CSMD3: variants seen among roughly 807,000 people sequenced by gnomAD.
CSMD3 encodes CUB and sushi domain-containing protein 3.
CSMD3 carries 177 observed loss-of-function variants against 435.2 expected under a neutral mutation model. The ratio of observed to expected loss-of-function variants is 0.41; its 90% confidence interval spans 0.36 to 0.46. The LOEUF (loss-of-function observed/expected upper bound fraction) is 0.46. CSMD3 is among the 20% of genes least tolerant of loss of function. The probability of loss-of-function intolerance (pLI) is 0.34; values close to 1 mark genes in which losing one functional copy is unlikely to be tolerated. For missense variants in CSMD3, 4,265 were observed against 4,504.6 expected (o/e 0.95, Z 1.52); for synonymous variants, 1,656 against 1,520.5 (o/e 1.09, Z -2.07).
intron 5 of CSMD3, among the ~76,000 whole-genome samples, chr8:113,024,433 C>T (rs1055350007): frequency 1.3e-5 from 2 of 150,498 alleles, no homozygotes; most frequent in Non-Finnish European, 3.0e-5. Context: ...TCATATAGTT[C>T]TTCAACCTAT....
At chr8:113,415,965 A>C (rs1198081816) in intron 1 of CSMD3, among the ~76,000 whole-genome samples, 1 of 152,100 alleles carries the variant, frequency 6.6e-6, no homozygotes, top group Non-Finnish European at 1.5e-5. Flanking sequence ...CATGTTTGCC[A>C]GTATATACAT....
At position 112,556,863 on chromosome 8, in the gene CSMD3, A is replaced by G. The variant is rs755250131; in HGVS notation, c.4134T>C (p.Ile1378=). ...DQGHFAGSTI[I]YGCNPGYTLH... is the part of the protein sequence containing the mutation. Reference sequence around the variant, plus strand: ...GAGTGTAGCCTGGATTGCATCCATAAATGATGGTGCTACCAGCAAAGTGGC... The same window carrying G: ...GAGTGTAGCCTGGATTGCATCCATAGATGATGGTGCTACCAGCAAAGTGGC... The change falls in exon 25 of 71, where the codon ATT becomes ATC. Residue 1378 remains isoleucine, a synonymous_variant. Transcript: ENST00000297405. The G allele has an allele frequency of 6.2e-7, 1 of 1,611,664 alleles. No homozygotes were observed. Among genetic ancestry groups the G allele is most frequent in the Non-Finnish European group, 8.5e-7 (1 of 1,178,276 alleles).
chr8:112,493,568 T>C (rs1820916319), intron 30 of CSMD3, among the ~76,000 whole-genome samples: 2 of 152,144 alleles, frequency 1.3e-5, no homozygotes, highest in Admixed American at 1.3e-4. Context: ...CAAACCACAG[T>C]ATTTTTTGAC....
At chr8:112,271,572 T>C (rs1817538376) in intron 59 of CSMD3, among the ~76,000 whole-genome samples, 1 of 152,072 alleles carries the variant, frequency 6.6e-6, no homozygotes, top group South Asian at 2.1e-4. Context: ...TGAAATAGAC[T>C]AGGGTTTAAA....
chr8:112,863,741 T>C (rs1250672218), intron 10 of CSMD3, among the ~76,000 whole-genome samples: 10 of 151,990 alleles, frequency 6.6e-5, no homozygotes, highest in Non-Finnish European at 1.2e-4. Flanking sequence ...ATGGAGCCTT[T>C]AGTAACACAA....
intron 3 of CSMD3, among the ~76,000 whole-genome samples, chr8:113,220,177 A>T (rs1025249768): frequency 2.0e-5 from 3 of 151,420 alleles, no homozygotes; most frequent in Non-Finnish European, 4.4e-5. Context: ...AGATTACAGA[A>T]GTCATAGATC....
At chr8:112,557,506 G>A (rs1333236112) in intron 24 of CSMD3, among the ~76,000 whole-genome samples, 1 of 151,938 alleles carries the variant, frequency 6.6e-6, no homozygotes, top group East Asian at 1.9e-4. Flanking sequence ...CCCCATGGCC[G>A]GGTCATATAC....
At chr8:113,082,727 C>G (rs1168646537) in intron 5 of CSMD3, among the ~76,000 whole-genome samples, 1 of 152,040 alleles carries the variant, frequency 6.6e-6, no homozygotes, top group East Asian at 1.9e-4. Flanking sequence ...AATTCTTAAT[C>G]TGAATGAGAA....
chr8:112,425,198 A>C (rs1812942925), intron 32 of CSMD3, among the ~76,000 whole-genome samples: 1 of 152,216 alleles, frequency 6.6e-6, no homozygotes, highest in Admixed American at 6.5e-5. Context: ...GATATTCCAA[A>C]ATAGATAAGA....
chr8:112,834,498 G>GA (rs2079967572), intron 11 of CSMD3, among the ~76,000 whole-genome samples: 1 of 151,488 alleles, frequency 6.6e-6, no homozygotes, highest in African/African-American at 2.4e-5. Flanking sequence ...ATGGTTAAAA[G>GA]AAAAATATCT....
intron 8 of CSMD3, among the ~76,000 whole-genome samples, chr8:112,952,857 A>T (rs1315030955): frequency 6.6e-6 from 1 of 151,512 alleles, no homozygotes; most frequent in Non-Finnish European, 1.5e-5. Context: ...CTTAAACAAG[A>T]TATTTTTATT....
intron 14 of CSMD3, 152 bp downstream of exon 14, chr8:112,689,716 G>T: frequency 1.6e-6 from 1 of 622,598 alleles, no homozygotes; most frequent in Non-Finnish European, 2.8e-6. Flanking sequence ...TTATAATTTG[G>T]CATAAGCACA....
intron 5 of CSMD3, among the ~76,000 whole-genome samples, chr8:113,083,269 G>A (rs1343000962): frequency 6.6e-6 from 1 of 151,950 alleles, no homozygotes; most frequent in Non-Finnish European, 1.5e-5. Context: ...CACATATAAG[G>A]GAATGCTCAT....
chr8:112,884,515 A>T (rs1167227874), intron 10 of CSMD3, among the ~76,000 whole-genome samples: 1 of 151,766 alleles, frequency 6.6e-6, no homozygotes, highest in East Asian at 2.0e-4. Context: ...GCTTAGCAAC[A>T]TTCCTGTCTT....
At chr8:112,368,746 T>C (rs1036513084) in intron 38 of CSMD3, among the ~76,000 whole-genome samples, 4 of 152,160 alleles carry the variant, frequency 2.6e-5, no homozygotes, top group African/African-American at 9.7e-5. Flanking sequence ...CTAATTGCTT[T>C]GGAATAAAAT....
intron 8 of CSMD3, among the ~76,000 whole-genome samples, chr8:112,948,583 C>G (rs1476568540): frequency 1.3e-5 from 2 of 151,938 alleles, no homozygotes; most frequent in African/African-American, 4.8e-5. Context: ...TCTAAATCCC[C>G]AAGTTAGATT....
intron 60 of CSMD3, among the ~76,000 whole-genome samples, chr8:112,264,561 A>C (rs568508945): frequency 1.3e-5 from 2 of 152,100 alleles, no homozygotes; most frequent in African/African-American, 4.8e-5. Flanking sequence ...TGAATTAATA[A>C]GTGTATAGAA....
At chr8:112,526,246 A>G (rs920616990) in intron 27 of CSMD3, among the ~76,000 whole-genome samples, 2 of 152,178 alleles carry the variant, frequency 1.3e-5, no homozygotes, top group South Asian at 2.1e-4. Flanking sequence ...AAATCATTCA[A>G]TATCATAGTA....
At chr8:113,242,855 A>G (rs1411367919) in intron 3 of CSMD3, among the ~76,000 whole-genome samples, 1 of 151,952 alleles carries the variant, frequency 6.6e-6, no homozygotes, top group Non-Finnish European at 1.5e-5. Context: ...ACGATTCTCA[A>G]TTAATATTTA....
Sources: gnomAD v4.1 joint callset for allele counts (sites outside exome capture counted in the v4.1 genomes callset) on GRCh38, gnomAD v4.1.1 for gene constraint, MANE v1.5 for transcripts, NCBI Gene and HGNC (gene_info 2026-07-23, HGNC 2026-07-21) for gene names.